The following DNER variants were observed in gnomAD, a reference collection of about 807,000 sequenced individuals.
DNER encodes delta and Notch-like epidermal growth factor-related receptor.
In DNER, 33 loss-of-function variants were observed where a neutral mutation model predicts 78.2. The ratio of observed to expected loss-of-function variants is 0.42; its 90% CI spans 0.32 to 0.56. DNER has a LOEUF of 0.56. DNER is among the 20% of genes least tolerant of loss of function. The pLI, the probability that DNER is intolerant of heterozygous loss-of-function variation, is 0.11. For missense variants in DNER, 918 were observed against 975.3 expected, an observed-to-expected ratio of 0.94 and a Z score of 0.78; for synonymous variants, 417 against 384.8, an observed-to-expected ratio of 1.08 and a Z score of -0.98.
chr2:229,545,673 A>G (rs938066421), intron 5 of DNER, among the ~76,000 whole-genome samples: 1 of 152,198 alleles, frequency 6.6e-6, no homozygotes, highest in Non-Finnish European at 1.5e-5. Context: ...TGCTGCCTGG[A>G]AACAGAAAAC....
chr2:229,509,838 A>G (rs1034290128), intron 6 of DNER, among the ~76,000 whole-genome samples: 2 of 152,178 alleles, frequency 1.3e-5, no homozygotes, highest in Non-Finnish European at 1.5e-5. Context: ...AATATAAAAT[A>G]AAAAAGGGGA....
At chr2:229,506,521 CT>C (rs67766962) in intron 6 of DNER, among the ~76,000 whole-genome samples, 21,038 of 145,632 alleles carry the variant, frequency 0.14, 1,872 homozygotes, top group African/African-American at 0.27. Context: ...CTTTTTTTTT[CT>C]TTTTTTTTTT....
intron 11 of DNER, among the ~76,000 whole-genome samples, chr2:229,372,660 T>C (rs1266008568): frequency 1.3e-5 from 2 of 152,126 alleles, no homozygotes; most frequent in African/African-American, 2.4e-5. Flanking sequence ...GTCTGAGTGT[T>C]CCAATTTGCA....
chr2:229,654,559 A>G (rs1698879987), intron 1 of DNER, among the ~76,000 whole-genome samples: 1 of 152,200 alleles, frequency 6.6e-6, no homozygotes, highest in Non-Finnish European at 1.5e-5. Context: ...CCCAGAGGTT[A>G]TGTTTTGTCT....
chr2:229,606,719 C>G (rs898825893), intron 1 of DNER, among the ~76,000 whole-genome samples: 1 of 152,038 alleles, frequency 6.6e-6, no homozygotes, highest in Non-Finnish European at 1.5e-5. Flanking sequence ...ATGGTGAAAC[C>G]CTGTCTCGAT....
At chr2:229,579,823 A>AC (rs905614175) in intron 4 of DNER, among the ~76,000 whole-genome samples, 4 of 151,450 alleles carry the variant, frequency 2.6e-5, no homozygotes, top group Non-Finnish European at 5.9e-5. Flanking sequence ...GCTACAAAAC[A>AC]CTGTTATCTC....
At position 229,447,554 on chromosome 2, in the gene DNER, CAT is replaced by C. The variant is rs1293516922; in HGVS notation, c.1262-16_1262-15del. 4.3e-6 allele frequency: 7 copies of C among 1,610,790 alleles called. No individual in the cohort carries two copies. Among genetic ancestry groups the C allele is most frequent in the African/African-American group, 1.3e-5 (1 of 74,862 alleles). ...ATCCGAAGTATCCTGTGAAAAAACA[CAT>C]GAGAGCTTAAAAAAACTAAAACACA... On this transcript the variant is annotated splice_polypyrimidine_tract_variant and intron_variant, in intron 7 of 12. Coordinates refer to ENST00000341772, the MANE Select transcript of DNER (RefSeq NM_139072.4).
At chr2:229,504,556 T>G (rs1695696220) in intron 6 of DNER, among the ~76,000 whole-genome samples, 1 of 152,186 alleles carries the variant, frequency 6.6e-6, no homozygotes, top group African/African-American at 2.4e-5. Flanking sequence ...TGAACAACAA[T>G]AAAAGATGTT....
intron 5 of DNER, among the ~76,000 whole-genome samples, chr2:229,530,808 C>T (rs1310324591): frequency 1.3e-5 from 2 of 152,214 alleles, no homozygotes; most frequent in African/African-American, 2.4e-5. Flanking sequence ...CCTTCAAATG[C>T]TCATTATGTG....
At chr2:229,560,479 A>T (rs1696934967) in intron 4 of DNER, among the ~76,000 whole-genome samples, 1 of 152,136 alleles carries the variant, frequency 6.6e-6, no homozygotes, top group African/African-American at 2.4e-5. Context: ...CCAGATGAAG[A>T]CCCAGGGATT....
In DNER at chr2:229,623,715, G is replaced by A. The variant is rs149764446; in HGVS notation, c.277-31827C>T. ...GGCACAGAGCTGCTGTCATTGGAGT[G>A]AGCACTGTTGTCACCAGCATCAGGT... On this transcript the variant is annotated intron_variant, in intron 1 of 12. Coordinates refer to ENST00000341772, the MANE Select transcript of DNER (RefSeq NM_139072.4). Among the ~76,000 whole-genome samples, 321 of 152,324 alleles carry A rather than the reference G, an allele frequency of 2.1e-3. 3 individuals are homozygous for A. The highest frequency in any genetic ancestry group is 7.2e-3 in the African/African-American group (301 of 41,574).
intron 6 of DNER, among the ~76,000 whole-genome samples, chr2:229,506,436 A>G (rs1695747249): frequency 6.6e-6 from 1 of 152,140 alleles, no homozygotes; most frequent in Non-Finnish European, 1.5e-5. Context: ...GGGTAGGGAC[A>G]CAGAGCCAAA....
chr2:229,455,644 G>A (rs981734485), intron 7 of DNER, among the ~76,000 whole-genome samples: 1 of 152,080 alleles, frequency 6.6e-6, no homozygotes, highest in Admixed American at 6.5e-5. Context: ...GTGAACAGAG[G>A]TGGGGTCCCA....
intron 1 of DNER, among the ~76,000 whole-genome samples, chr2:229,666,316 C>T (rs143922005): frequency 2.0e-5 from 3 of 152,270 alleles, no homozygotes; most frequent in South Asian, 4.1e-4. Flanking sequence ...CTCTCCCACA[C>T]CCATTTCCAA....
rs149755089 is a variant in DNER, at chr2:229,591,730, G to T, written c.435C>A (p.Thr145=). 17 of 1,614,022 alleles carry T rather than the reference G, an allele frequency of 1.1e-5. No individual in the cohort carries two copies. The highest frequency in any genetic ancestry group is 2.2e-5 in the East Asian group (1 of 44,890). The change falls in exon 2 of 13, where the codon ACC becomes ACA. Residue 145 remains threonine, a synonymous_variant. Transcript: ENST00000341772. This position sits in a 1 kb window ranked among gnomAD's most constrained non-coding sequence, Gnocchi z 4.6. The part of the protein sequence containing the change: ...ALPSLPATGW[T]ESMAPRQLQP... ...GAAGCTGTCGGGGTGCCATGGATTC[G>T]GTCCAGCCAGTGGCTGGGAGACTGG...
intron 10 of DNER, among the ~76,000 whole-genome samples, chr2:229,401,819 T>C (rs1427043876): frequency 1.3e-5 from 2 of 152,080 alleles, no homozygotes; most frequent in African/African-American, 2.4e-5. Flanking sequence ...TTCAATAATC[T>C]CAAACTAAAA....
Position 229,550,133 on chromosome 2 carries a change from CATAT to C in DNER, c.848-3045_848-3042del, listed in dbSNP as rs1335631263. 2.2e-3 allele frequency among the ~76,000 whole-genome samples: 337 copies of C among 151,592 alleles called. 1 individual carries two copies. Among genetic ancestry groups the C allele is most frequent in the African/African-American group, 7.8e-3 (323 of 41,314 alleles). On this transcript the variant is annotated intron_variant, in intron 4 of 12. Coordinates refer to ENST00000341772, the MANE Select transcript of DNER (RefSeq NM_139072.4). ...CCAGCCTCCCAAGTACCTGGGATTACATATACGCGCCACCACACCCAGCTAATTT... is the reference window on the plus strand; with the variant it reads ...CCAGCCTCCCAAGTACCTGGGATTACACGCGCCACCACACCCAGCTAATTT...
At chr2:229,575,544 G>A (rs898141377) in intron 4 of DNER, among the ~76,000 whole-genome samples, 1 of 152,142 alleles carries the variant, frequency 6.6e-6, no homozygotes, top group East Asian at 1.9e-4. Flanking sequence ...AGGTCCATTG[G>A]GGGGACCAGG....
chr2:229,520,997 A>C (rs949242316), intron 5 of DNER, among the ~76,000 whole-genome samples: 11 of 152,220 alleles, frequency 7.2e-5, no homozygotes, highest in African/African-American at 2.4e-4. Flanking sequence ...CAGCTTCCCC[A>C]GTGTACTGGG....
Sources: allele counts gnomAD v4.1 joint callset (sites outside exome capture counted in the v4.1 genomes callset), GRCh38; gene constraint gnomAD v4.1.1; non-coding constraint Gnocchi (gnomAD v3.1); transcripts MANE v1.5; gene names NCBI Gene and HGNC (gene_info 2026-07-23, HGNC 2026-07-21).